The following PHACTR3 variants were observed in gnomAD, a reference collection of about 807,000 sequenced individuals.
PHACTR3 encodes the protein phosphatase and actin regulator 3, also known as protein phosphatase 1, regulatory subunit 123.
In PHACTR3, 16 loss-of-function variants were observed where a neutral mutation model predicts 66.8. The ratio of observed to expected loss-of-function variants is 0.24; its 90% CI spans 0.16 to 0.36. The LOEUF is 0.36. PHACTR3 is among the 10% of genes least tolerant of loss of function. PHACTR3 has a pLI of 1.00. For missense variants in PHACTR3, 647 were observed against 719.9 expected (o/e 0.90, Z 1.16); for synonymous variants, 323 against 292.1 (o/e 1.11, Z -1.08).
intron 10 of PHACTR3, among the ~76,000 whole-genome samples, chr20:59,840,861 G>GA (rs1568876142): frequency 2.0e-5 from 3 of 152,176 alleles, no homozygotes; most frequent in African/African-American, 7.2e-5. Context: ...TCAAAGGTTT[G>GA]TTCTCTGTGA....
At chr20:59,637,206 G>A (rs2146411250) in intron 1 of PHACTR3, among the ~76,000 whole-genome samples, 1 of 152,330 alleles carries the variant, frequency 6.6e-6, no homozygotes, top group South Asian at 2.1e-4. Context: ...TTCAGAAGCA[G>A]GACTCAGGGC....
intron 8 of PHACTR3, among the ~76,000 whole-genome samples, chr20:59,826,707 C>T (rs1010017243): frequency 2.0e-5 from 3 of 152,160 alleles, no homozygotes; most frequent in Non-Finnish European, 2.9e-5. Context: ...CTGCCTGTTA[C>T]GCCTGCTGTC....
chr20:59,712,303 C>T (rs1419570446), intron 1 of PHACTR3, among the ~76,000 whole-genome samples: 2 of 152,092 alleles, frequency 1.3e-5, no homozygotes, highest in African/African-American at 4.8e-5. Flanking sequence ...AATGCTTTTC[C>T]CATTGGCTTA....
At chr20:59,828,660 T>C (rs1218970924) in intron 8 of PHACTR3, among the ~76,000 whole-genome samples, 4 of 151,946 alleles carry the variant, frequency 2.6e-5, no homozygotes, top group East Asian at 1.9e-4. Flanking sequence ...CAGCCACTTA[T>C]TGGTAAATGC....
At chr20:59,731,616 A>G (rs751995576) in intron 1 of PHACTR3, among the ~76,000 whole-genome samples, 1 of 152,206 alleles carries the variant, frequency 6.6e-6, no homozygotes, top group Non-Finnish European at 1.5e-5. Context: ...GGTTGATACT[A>G]AACAGATGGG....
intron 1 of PHACTR3, among the ~76,000 whole-genome samples, chr20:59,635,143 C>CTTTTTT (rs1325323604): frequency 1.5e-5 from 1 of 66,268 alleles, no homozygotes; most frequent in Non-Finnish European, 3.0e-5. Context: ...TTCTTTCTTT[C>CTTTTTT]TTTCTTTTTC....
intron 9 of PHACTR3, among the ~76,000 whole-genome samples, chr20:59,839,038 T>TA (rs75920578): frequency 1.2e-3 from 166 of 140,906 alleles, no homozygotes; most frequent in Admixed American, 1.5e-3. Context: ...TTTTCAGGAT[T>TA]AAAAAAAAAA....
intron 5 of PHACTR3, among the ~76,000 whole-genome samples, chr20:59,770,649 T>C (rs2040328896): frequency 6.6e-6 from 1 of 152,226 alleles, no homozygotes; most frequent in African/African-American, 2.4e-5. Context: ...CTGGACTTTC[T>C]TGAAAAGTCT....
rs764447986 is a variant in PHACTR3 at position 59,841,463 on chromosome 20, G to T, written c.1515G>T (p.Val505=). The T allele has an allele frequency of 9.3e-6, 15 of 1,613,714 alleles. No individual in the cohort carries two copies. Among genetic ancestry groups the T allele is most frequent in the Non-Finnish European group, 9.3e-6 (11 of 1,179,758 alleles). ...RKILIRFSDY[V]EVAKAQDYDR... is the part of the protein sequence containing the mutation. Reference sequence around the variant, plus strand: ...TTCTGATACGATTCAGTGATTACGTGGAAGTAGCAAAAGCGCAGGACTATG... The same window carrying T: ...TTCTGATACGATTCAGTGATTACGTTGAAGTAGCAAAAGCGCAGGACTATG... The change falls in exon 11 of 13, where the codon GTG becomes GTT. Residue 505 remains valine, a synonymous_variant. Transcript: ENST00000371015.
Position 59,808,354 on chromosome 20 carries a change from C to T in PHACTR3, c.1328+2160C>T, listed in dbSNP as rs559970538. On this transcript the variant is annotated intron_variant, in intron 8 of 12. Coordinates refer to ENST00000371015, the MANE Select transcript of PHACTR3 (RefSeq NM_080672.5). ...CAGGGTGGGCCTCTGTTTCCCCTTT[C>T]ACCAGGCCAGATGGCAGGCTAACGT... 3.3e-5 allele frequency among the ~76,000 whole-genome samples: 5 copies of T among 152,362 alleles called. No individual in the cohort carries two copies. The South Asian group carries it at 1.0e-3, about 32-fold the overall frequency.
chr20:59,598,539 A>G (rs6100519), intron 1 of PHACTR3, among the ~76,000 whole-genome samples: 1,720 of 152,044 alleles, frequency 0.011, 21 homozygotes, highest in African/African-American at 0.039. Context: ...CCCACACCAC[A>G]TTTTTTCAGG....
In PHACTR3 at chr20:59,833,828, G is replaced by A. The variant is rs376161351; in HGVS notation, c.1329-2677G>A. On this transcript the variant is annotated intron_variant, in intron 8 of 12. Coordinates refer to ENST00000371015, the MANE Select transcript of PHACTR3 (RefSeq NM_080672.5). Reference sequence around the variant, plus strand: ...AAGTATGAAGATCCGTTGCAAGGGTGCAATGGGCAGCACAGTAGAGAAGGG... The same window carrying A: ...AAGTATGAAGATCCGTTGCAAGGGTACAATGGGCAGCACAGTAGAGAAGGG... Among the ~76,000 whole-genome samples the A allele has an allele frequency of 1.5e-4, 23 of 152,242 alleles. No individual in the cohort carries two copies. The South Asian group carries it at 4.1e-3, about 27-fold the overall frequency.
chr20:59,599,206 C>T (rs1039834941), intron 1 of PHACTR3, among the ~76,000 whole-genome samples: 4 of 152,180 alleles, frequency 2.6e-5, no homozygotes, highest in Non-Finnish European at 2.9e-5. Flanking sequence ...GGCTAGGCTC[C>T]GCCGTGCACA....
intron 9 of PHACTR3, among the ~76,000 whole-genome samples, chr20:59,839,093 T>C (rs1440719703): frequency 6.6e-6 from 1 of 152,028 alleles, no homozygotes; most frequent in East Asian, 1.9e-4. Context: ...GAAGCTGCAC[T>C]TGGGAGCTGC....
At chr20:59,749,504 G>A (rs2039499882) in intron 3 of PHACTR3, among the ~76,000 whole-genome samples, 2 of 152,142 alleles carry the variant, frequency 1.3e-5, no homozygotes, top group Admixed American at 1.3e-4. Flanking sequence ...CAGGCTGACA[G>A]TGTGGCTCTC....
intron 1 of PHACTR3, among the ~76,000 whole-genome samples, chr20:59,666,451 G>A (rs1403775570): frequency 6.6e-6 from 1 of 152,240 alleles, no homozygotes; most frequent in Non-Finnish European, 1.5e-5. Flanking sequence ...CCACCATTCT[G>A]TGACAGCTGA....
At chr20:59,644,429 G>C (rs2035212303) in intron 1 of PHACTR3, among the ~76,000 whole-genome samples, 1 of 152,200 alleles carries the variant, frequency 6.6e-6, no homozygotes, top group South Asian at 2.1e-4. Context: ...CTATCTTCGG[G>C]TTCCCTGGTC....
At chr20:59,816,690 C>T (rs933459928) in intron 8 of PHACTR3, among the ~76,000 whole-genome samples, 6 of 152,186 alleles carry the variant, frequency 3.9e-5, no homozygotes, top group Non-Finnish European at 8.8e-5. Flanking sequence ...AGTAGGCTCC[C>T]AGCTAATTAC....
intron 1 of PHACTR3, among the ~76,000 whole-genome samples, chr20:59,712,836 G>A (rs2037956255): frequency 6.6e-6 from 1 of 152,198 alleles, no homozygotes; most frequent in South Asian, 2.1e-4. Flanking sequence ...TTTCAGTGTT[G>A]TTTGTAATTA....
Sources: gnomAD v4.1 joint callset for allele counts (sites outside exome capture counted in the v4.1 genomes callset) on GRCh38, gnomAD v4.1.1 for gene constraint, MANE v1.5 for transcripts, NCBI Gene and HGNC (gene_info 2026-07-23, HGNC 2026-07-21) for gene names.